Variants in SPMIP7 observed in about 807,000 individuals in gnomAD.
SPMIP7 encodes sperm microtubule inner protein 7.
chr7:50,125,405 T>TATACATATACACAC, the SPMIP7 span, among the ~76,000 whole-genome samples: 9 of 147,554 alleles, frequency 6.1e-5, no homozygotes, highest in Admixed American at 1.4e-4. Flanking sequence ...TATACATATA[T>TATACATATACACAC]ATATAAAGAA....
the SPMIP7 span, chr7:50,096,744 C>A: frequency 2.3e-6 from 2 of 878,712 alleles, no homozygotes; most frequent in South Asian, 3.0e-5. Context: ...TTACAATGAT[C>A]TGAAAAAGGT....
the SPMIP7 span, among the ~76,000 whole-genome samples, chr7:50,128,720 C>T: frequency 1.3e-5 from 2 of 151,796 alleles, no homozygotes; most frequent in African/African-American, 4.8e-5. Flanking sequence ...AATGAAAAGT[C>T]CAGTATTTGT....
the SPMIP7 span, among the ~76,000 whole-genome samples, chr7:50,101,776 CCT>C: frequency 6.6e-6 from 1 of 152,194 alleles, no homozygotes; most frequent in Non-Finnish European, 1.5e-5. Context: ...TAGAGAGTTT[CCT>C]TGGTCCAGCT....
chr7:50,136,956 C>A, the SPMIP7 span, among the ~76,000 whole-genome samples: 1 of 152,082 alleles, frequency 6.6e-6, no homozygotes, highest in Non-Finnish European at 1.5e-5. Flanking sequence ...ATTACTTACA[C>A]AATGGAAAAT....
chr7:50,136,031 A>C, the SPMIP7 span: 2 of 1,169,556 alleles, frequency 1.7e-6, no homozygotes, highest in Non-Finnish European at 2.5e-6. Context: ...TCAAGGGGAC[A>C]GGAGTTTATC....
chr7:50,097,149 A>T, the SPMIP7 span, among the ~76,000 whole-genome samples: 3 of 152,100 alleles, frequency 2.0e-5, no homozygotes, highest in African/African-American at 7.2e-5. Flanking sequence ...AGGTTTGATG[A>T]CCTCTTACTG....
the SPMIP7 span, among the ~76,000 whole-genome samples, chr7:50,153,711 A>G: frequency 6.6e-6 from 1 of 152,198 alleles, no homozygotes; most frequent in Non-Finnish European, 1.5e-5. Context: ...AGGGGGCACT[A>G]GAGAAGACTT....
At chr7:50,151,595 A>G in the SPMIP7 span, 6 of 1,356,738 alleles carry the variant, frequency 4.4e-6, no homozygotes, top group African/African-American at 5.8e-5. Context: ...GCTCAGATAC[A>G]TTAGGAGGGG....
chr7:50,156,741 C>G, the SPMIP7 span, among the ~76,000 whole-genome samples: 1 of 152,002 alleles, frequency 6.6e-6, no homozygotes, highest in African/African-American at 2.4e-5. Flanking sequence ...GCTCTGAGTC[C>G]TGTGGTCCCA....
At chr7:50,103,944 T>C in the SPMIP7 span, among the ~76,000 whole-genome samples, 1 of 152,232 alleles carries the variant, frequency 6.6e-6, no homozygotes, top group Non-Finnish European at 1.5e-5. Flanking sequence ...CTTTTTATAA[T>C]TTGCTAGTTT....
the SPMIP7 span, among the ~76,000 whole-genome samples, chr7:50,119,366 T>G: frequency 2.0e-5 from 3 of 152,310 alleles, no homozygotes; most frequent in African/African-American, 4.8e-5. Context: ...ATCAAGACTT[T>G]TCTGACATCA....
chr7:50,101,240 T>C, the SPMIP7 span, among the ~76,000 whole-genome samples: 1 of 152,224 alleles, frequency 6.6e-6, no homozygotes, highest in Non-Finnish European at 1.5e-5. Flanking sequence ...CACTTGCACG[T>C]TGGGATTAGT....
chr7:50,153,069 C>A, the SPMIP7 span, among the ~76,000 whole-genome samples: 1 of 152,184 alleles, frequency 6.6e-6, no homozygotes, highest in Non-Finnish European at 1.5e-5. Flanking sequence ...GACAAGGTCC[C>A]AGCTTTTAGG....
At chr7:50,124,281 C>T in the SPMIP7 span, among the ~76,000 whole-genome samples, 2 of 152,032 alleles carry the variant, frequency 1.3e-5, no homozygotes, top group Non-Finnish European at 2.9e-5. Flanking sequence ...TACACAATTC[C>T]ACTGATCACC....
the SPMIP7 span, among the ~76,000 whole-genome samples, chr7:50,125,153 T>C: frequency 3.5e-4 from 16 of 45,970 alleles, no homozygotes; most frequent in Admixed American, 1.1e-3. Context: ...TATACACACA[T>C]ATATATACAC....
the SPMIP7 span, chr7:50,134,260 T>C: frequency 1.3e-6 from 2 of 1,520,612 alleles, no homozygotes; most frequent in Non-Finnish European, 1.8e-6. Flanking sequence ...AGCAGACTTC[T>C]CTGAACAATA....
the SPMIP7 span, chr7:50,129,735 G>T: frequency 6.5e-7 from 1 of 1,548,070 alleles, no homozygotes; most frequent in South Asian, 1.2e-5. Context: ...TGAACCACTT[G>T]TTCAAACAAA....
the SPMIP7 span, among the ~76,000 whole-genome samples, chr7:50,136,414 C>T: frequency 6.6e-6 from 1 of 151,284 alleles, no homozygotes; most frequent in Non-Finnish European, 1.5e-5. Context: ...GCCTGTAATC[C>T]CAGCTACTTG....
chr7:50,104,105 T>C, the SPMIP7 span, among the ~76,000 whole-genome samples: 1 of 152,170 alleles, frequency 6.6e-6, no homozygotes, highest in South Asian at 2.1e-4. Context: ...AAATAACAAG[T>C]GATTCTGCAC....
Sources: allele counts gnomAD v4.1 joint callset (sites outside exome capture counted in the v4.1 genomes callset), GRCh38; gene constraint gnomAD v4.1.1; transcripts MANE v1.5; gene names NCBI Gene and HGNC (gene_info 2026-07-23, HGNC 2026-07-21).